The following ZBP1 variants were observed in gnomAD, a reference collection of about 807,000 sequenced individuals.
ZBP1 encodes Z-DNA binding protein 1.
In ZBP1, 42 loss-of-function variants were observed where a neutral mutation model predicts 41.1. The observed-to-expected ratio is 1.02, with a 90% CI of 0.80 to 1.32. ZBP1 has a LOEUF of 1.32. ZBP1 is among the 40% of genes most tolerant of loss of function. The pLI is 0.00. For synonymous variants in ZBP1, 214 were observed against 205.2 expected (o/e 1.04, Z -0.37); for missense variants, 562 against 549.7 (o/e 1.02, Z -0.22).
chr20:57,605,707 G>A (rs1363668061), intron 7 of ZBP1, among the ~76,000 whole-genome samples: 1 of 152,128 alleles, frequency 6.6e-6, no homozygotes, highest in Non-Finnish European at 1.5e-5. Context: ...GGCTGAGGTG[G>A]GCAGATCACC....
chr20:57,606,389 C>T (rs1298773052), intron 7 of ZBP1, among the ~76,000 whole-genome samples: 2 of 152,236 alleles, frequency 1.3e-5, no homozygotes, highest in African/African-American at 2.4e-5. Flanking sequence ...AAGAAACCGT[C>T]CCCATAACAT....
chr20:57,612,428 C>T (rs2070698688), intron 5 of ZBP1, among the ~76,000 whole-genome samples: 1 of 152,148 alleles, frequency 6.6e-6, no homozygotes, highest in Non-Finnish European at 1.5e-5. Context: ...TGGCCAGAAT[C>T]AGGAAGGTGG....
Position 57,616,396 on chromosome 20 carries a change from T to A in ZBP1, c.107A>T (p.Lys36Met). 6.2e-7 allele frequency: 1 copy of A among 1,614,182 alleles called. No individual in the cohort carries two copies. ...GSPVKLAQLV[K>M]ECQAPKRELN... Reference sequence around the variant, plus strand: ...CTCCCTCTTGGGTGCTTGGCATTCCTTCACCAGCTGGGCAAGTTTCACCGG... The same window carrying A: ...CTCCCTCTTGGGTGCTTGGCATTCCATCACCAGCTGGGCAAGTTTCACCGG... The change falls in exon 2 of 8, where the codon AAG becomes ATG. Residue 36 changes from lysine (K) to methionine (M), a missense_variant. Physicochemically the swap from Lys to Met is moderately conservative, Grantham distance 95. Coordinates refer to ENST00000371173, the MANE Select transcript of ZBP1 (RefSeq NM_030776.3).
chr20:57,604,504 G>A lies in ZBP1; in HGVS notation c.*69C>T, dbSNP rs2070447632. ...AACAAGACGCTAAGGAATGCAGAGAGCAGCAGGCTAGTCTCCCTAGCATGC... is the reference window on the plus strand; with the variant it reads ...AACAAGACGCTAAGGAATGCAGAGAACAGCAGGCTAGTCTCCCTAGCATGC... On this transcript the variant is annotated 3_prime_UTR_variant, in exon 8 of 8. Coordinates refer to ENST00000371173, the MANE Select transcript of ZBP1 (RefSeq NM_030776.3). 6.4e-7 allele frequency: 1 copy of A among 1,562,820 alleles called. No individual in the cohort carries two copies. The highest frequency in any genetic ancestry group is 8.8e-7 in the Non-Finnish European group (1 of 1,135,194).
Position 57,613,179 on chromosome 20 carries a change from T to C in ZBP1, c.654A>G (p.Thr218=), listed in dbSNP as rs755085728. 31 of 1,613,904 alleles carry C rather than the reference T, an allele frequency of 1.9e-5. No individual in the cohort carries two copies. The highest frequency in any genetic ancestry group is 1.3e-4 in the South Asian group (12 of 91,088). Residue 218 remains threonine, a synonymous_variant, in exon 5 of 8, where the codon ACA becomes ACG. Transcript: ENST00000371173. This position sits in a 1 kb window ranked among gnomAD's most constrained non-coding sequence, Gnocchi z 4.5. ...GTGACTTACCGTCCTCCCTGGAGACTGTCTGTCTTGTAATGATGTTCCCGT... is the reference window on the plus strand; with the variant it reads ...GTGACTTACCGTCCTCCCTGGAGACCGTCTGTCTTGTAATGATGTTCCCGT... ...IGHGNIITRQ[T]VSREDGSAGP...
At chr20:57,619,555 G>A (rs1236010782) in intron 1 of ZBP1, among the ~76,000 whole-genome samples, 3 of 152,190 alleles carry the variant, frequency 2.0e-5, no homozygotes, top group Non-Finnish European at 4.4e-5. Flanking sequence ...TTGAGGAAAG[G>A]ATGCAACAAG....
intron 7 of ZBP1, chr20:57,607,390 T>G: frequency 1.7e-6 from 2 of 1,205,656 alleles, no homozygotes; most frequent in Non-Finnish European, 2.1e-6. Flanking sequence ...TGAGAAAGCT[T>G]GAACAGATGA....
chr20:57,616,274 C>T lies in ZBP1; in HGVS notation c.229G>A (p.Gly77Ser). Residue 77 changes from glycine to serine, a missense_variant, in exon 2 of 8, where the codon GGT (glycine) becomes AGT (serine). Gly to Ser is a moderately conservative substitution (Grantham distance 56, BLOSUM62 0). Transcript: ENST00000371173. Reference sequence around the variant, plus strand: ...CTGGACAAGGCCAGCTCTGCAGGACCCTCGCCTTCAGGATCAGTCCCGCCC... The same window carrying T: ...CTGGACAAGGCCAGCTCTGCAGGACTCTCGCCTTCAGGATCAGTCCCGCCC... ...CLGGTDPEGEGPAELALSSPA... is the reference protein window; with the variant it reads ...CLGGTDPEGESPAELALSSPA... The T allele has an allele frequency of 6.2e-7, 1 of 1,614,072 alleles. No homozygotes were observed. Among genetic ancestry groups the T allele is most frequent in the Non-Finnish European group, 8.5e-7 (1 of 1,180,010 alleles).
rs113199113 is a variant in ZBP1 at position 57,615,888 on chromosome 20, C to T, written c.260-308G>A. The T allele has an allele frequency of 5.9e-5, 31 of 529,584 alleles. No individual in the cohort carries two copies. The East Asian group carries it at 1.0e-3, about 18-fold the overall frequency. 32.8% of individuals were successfully genotyped at this position (529,584 alleles called of 1,614,324 possible). On this transcript the variant is annotated intron_variant, in intron 2 of 7. Coordinates refer to ENST00000371173, the MANE Select transcript of ZBP1 (RefSeq NM_030776.3). ...AATGGCAGCTCCTTCTGGCTGTGGG[C>T]TGTAAAGCTAGAAAAGGGGGGCTGG...
At chr20:57,614,751 G>T in intron 4 of ZBP1, 136 bp downstream of exon 4, 1 of 1,169,296 alleles carries the variant, frequency 8.6e-7, no homozygotes, top group Non-Finnish European at 1.2e-6. Context: ...GGAAGCCCTT[G>T]CAGTGAATTG....
Position 57,610,509 on chromosome 20 carries a change from C to G in ZBP1, c.875-142G>C. The G allele has an allele frequency of 1.3e-6, 1 of 776,076 alleles. No homozygotes were observed. Among genetic ancestry groups the G allele is most frequent in the Non-Finnish European group, 2.1e-6 (1 of 484,476 alleles). The allele number at this position is 776,076 out of a possible 1,614,324, so 48.1% of individuals were successfully genotyped here. On this transcript the variant is annotated intron_variant, in intron 6 of 7. Transcript: ENST00000371173. This position sits in a 1 kb window ranked among gnomAD's most constrained non-coding sequence, Gnocchi z 5.5. ...TCCCAGGAGCACAGCCTGTGCCTGCCCGCCACACCTCCACCCGCCACACCT... is the reference window on the plus strand; with the variant it reads ...TCCCAGGAGCACAGCCTGTGCCTGCGCGCCACACCTCCACCCGCCACACCT...
chr20:57,620,096 A>G (rs1311091557), intron 1 of ZBP1, 166 bp downstream of exon 1: 5 of 786,956 alleles, frequency 6.4e-6, no homozygotes, highest in Non-Finnish European at 1.0e-5. Context: ...CTCGCCTCCC[A>G]AAGTGCTGGG....
chr20:57,608,115 G>A (rs1194968584), intron 7 of ZBP1, among the ~76,000 whole-genome samples: 1 of 147,862 alleles, frequency 6.8e-6, no homozygotes, highest in Non-Finnish European at 1.5e-5. Context: ...GGGCAAATCT[G>A]GGAGTGTGAC....
chr20:57,612,133 C>T (rs1005037672), intron 5 of ZBP1, among the ~76,000 whole-genome samples: 10 of 152,116 alleles, frequency 6.6e-5, no homozygotes, highest in Non-Finnish European at 1.5e-4. Flanking sequence ...AGGAGCGGGG[C>T]TGGTCCTGGG....
At position 57,611,734 on chromosome 20, in the gene ZBP1, G is replaced by C; in HGVS notation, c.867C>G (p.Ser289Arg). The C allele has an allele frequency of 6.2e-7, 1 of 1,608,380 alleles. No homozygotes were observed. Among genetic ancestry groups the C allele is most frequent in the Non-Finnish European group, 8.5e-7 (1 of 1,178,210 alleles). The change falls in exon 6 of 8, where the codon AGC becomes AGG. Residue 289 changes from serine (S) to arginine (R), a missense_variant. Transcript: ENST00000371173. ...SEGPAHIPPG[S>R]PPVSATAAGP... ...CCTCTAGATCCCAGTTACCTGGGGGGCTGCCAGGGGGGATGTGGGCAGGGC... is the reference window on the plus strand; with the variant it reads ...CCTCTAGATCCCAGTTACCTGGGGGCCTGCCAGGGGGGATGTGGGCAGGGC...
chr20:57,609,763 A>C (rs553210133), intron 7 of ZBP1, among the ~76,000 whole-genome samples: 1 of 152,134 alleles, frequency 6.6e-6, no homozygotes, highest in Non-Finnish European at 1.5e-5. Context: ...TCTCGGGCCC[A>C]AAACAATCAC....
chr20:57,613,810 T>C lies in ZBP1; in HGVS notation c.503-480A>G, dbSNP rs2070742361. ...TCTGGTGGCTGTCACGCGTTATTCC[T>C]TCCTCACAGCAGCCCTAGGATGCTG... On this transcript the variant is annotated intron_variant, in intron 4 of 7. Coordinates refer to ENST00000371173, the MANE Select transcript of ZBP1 (RefSeq NM_030776.3). The surrounding 1 kb of genome is among the most constrained non-coding windows in gnomAD (Gnocchi z 4.5). 1.3e-5 allele frequency among the ~76,000 whole-genome samples: 2 copies of C among 152,216 alleles called. No individual in the cohort carries two copies. The highest frequency in any genetic ancestry group is 1.5e-5 in the Non-Finnish European group (1 of 68,032).
chr20:57,617,089 C>G (rs1219332819), intron 1 of ZBP1: 1 of 156,920 alleles, frequency 6.4e-6, no homozygotes, highest in Non-Finnish European at 1.4e-5. Context: ...AGCACCACCC[C>G]CTTCCTCTTC....
intron 5 of ZBP1, among the ~76,000 whole-genome samples, chr20:57,612,418 T>C (rs1839979520): frequency 2.0e-5 from 3 of 152,232 alleles, no homozygotes. Flanking sequence ...GACATGGGTA[T>C]GGCCAGAATC....
Sources: gnomAD v4.1 joint callset for allele counts (sites outside exome capture counted in the v4.1 genomes callset) on GRCh38, gnomAD v4.1.1 for gene constraint, Gnocchi (gnomAD v3.1) non-coding constraint, MANE v1.5 for transcripts, NCBI Gene and HGNC (gene_info 2026-07-23, HGNC 2026-07-21) for gene names.